MED14: variants seen among roughly 807,000 people sequenced by gnomAD.
MED14 encodes the protein mediator complex subunit 14, also known as mediator of RNA polymerase II transcription subunit 14.
A neutral mutation model predicts 109.0 loss-of-function variants in MED14; 8 were observed. The observed-to-expected ratio is 0.07, with a 90% CI of 0.04 to 0.13. The LOEUF (loss-of-function observed/expected upper bound fraction) is 0.13. Among genes scored for constraint, MED14 ranks in the 10% least tolerant of loss-of-function variants. The pLI, the probability that MED14 is intolerant of heterozygous loss-of-function variation, is 1.00. For missense variants in MED14, 711 were observed against 1,142.4 expected, an observed-to-expected ratio of 0.62 and a Z score of 5.44; for synonymous variants, 399 against 408.7, an observed-to-expected ratio of 0.98 and a Z score of 0.29.
At chrX:40,735,839 C>T (rs1256052091), upstream of MED14, 4 of 315,124 alleles carry the variant, frequency 1.3e-5, no homozygotes, top group Non-Finnish European at 2.5e-5. Context: ...CTGGGGGGCG[C>T]GTGGGAGTGA....
intron 11 of MED14, 116 bp from the exon 12 acceptor site, chrX:40,701,359 T>C (rs1930930411): frequency 6.4e-6 from 3 of 472,166 alleles, no homozygotes; most frequent in Non-Finnish European, 1.0e-5. Flanking sequence ...GAAAATCATG[T>C]TGTTTTTGAG....
intron 18 of MED14, 81 bp from the exon 19 acceptor site, chrX:40,682,024 G>T: frequency 2.2e-6 from 1 of 455,383 alleles, no homozygotes; most frequent in Non-Finnish European, 3.6e-6. Context: ...AGGGCATTTT[G>T]GCAATATTAT....
chrX:40,719,792 T>C (rs1952703216), intron 3 of MED14, among the ~76,000 whole-genome samples: 1 of 112,041 alleles, frequency 8.9e-6, no homozygotes, highest in Admixed American at 9.5e-5. Context: ...AATAGTATGG[T>C]ATGTAAATTA....
At chrX:40,695,497 T>G (rs1317132882) in intron 13 of MED14, among the ~76,000 whole-genome samples, 1 of 112,253 alleles carries the variant, frequency 8.9e-6, no homozygotes, top group African/African-American at 3.2e-5. Flanking sequence ...CTAAGCCATA[T>G]GAAACAAATT....
At chrX:40,657,426 A>C (rs1929093653) in intron 28 of MED14, among the ~76,000 whole-genome samples, 1 of 111,242 alleles carries the variant, frequency 9.0e-6, no homozygotes, top group Non-Finnish European at 1.9e-5. Context: ...GTGACGACAG[A>C]GGCAGAGGTT....
Position 40,649,747 on chromosome X carries a change from T to G in MED14, c.*2059A>C. On this transcript the variant is annotated 3_prime_UTR_variant, in exon 31 of 31. Coordinates refer to ENST00000324817, the MANE Select transcript of MED14 (RefSeq NM_004229.4). Reference sequence around the variant, plus strand: ...TCAAATGCTAAATGTTTTCAAGCTTTAATAAGGTATATATCAATTCCAAGT... The same window carrying G: ...TCAAATGCTAAATGTTTTCAAGCTTGAATAAGGTATATATCAATTCCAAGT... The G allele has an allele frequency of 1.2e-6, 1 of 861,219 alleles. No homozygotes were observed. The highest frequency in any genetic ancestry group is 1.4e-6 in the Non-Finnish European group (1 of 697,943). The allele number at this position is 861,219 out of a possible 1,213,427, so 71.0% of individuals were successfully genotyped here.
chrX:40,670,786 A>T (rs781611625), intron 23 of MED14, among the ~76,000 whole-genome samples: 246 of 111,408 alleles, frequency 2.2e-3, no homozygotes, highest in African/African-American at 7.7e-3. Flanking sequence ...AAAAAAATAA[A>T]AAAAATAAAG....
At position 40,685,135 on chromosome X, in the gene MED14, T is replaced by C. The variant is rs185674025; in HGVS notation, c.2058-2139A>G. ...ACCGAGGAAGGTATTTTCTGGACAA[T>C]GGATTAACCTATCTGAAAATTTTTA... On this transcript the variant is annotated intron_variant, in intron 16 of 30. Transcript: ENST00000324817. 2.8e-3 allele frequency among the ~76,000 whole-genome samples: 312 copies of C among 111,974 alleles called. 1 individual carries two copies. Among genetic ancestry groups the C allele is most frequent in the African/African-American group, 9.5e-3 (292 of 30,848 alleles).
chrX:40,677,662 G>GA (rs1303170270), intron 21 of MED14, among the ~76,000 whole-genome samples: 5 of 111,292 alleles, frequency 4.5e-5, no homozygotes, highest in Non-Finnish European at 9.4e-5. Context: ...GTATCTCCCA[G>GA]AAAAAAGAGA....
intron 23 of MED14, 42 bp from the exon 24 acceptor site, chrX:40,666,893 T>G (rs1487410195): frequency 4.6e-6 from 5 of 1,092,448 alleles, no homozygotes; most frequent in Non-Finnish European, 6.1e-6. Context: ...GCAGGACACA[T>G]TTTATGTCCT....
chrX:40,693,023 AGGTT>A, intron 13 of MED14, 121 bp from the exon 14 acceptor site: 1 of 504,351 alleles, frequency 2.0e-6, no homozygotes, highest in Non-Finnish European at 2.9e-6. Context: ...AAAAAAAAAA[AGGTT>A]AAATCAATCG....
At position 40,713,702 on chromosome X, in the gene MED14, C is replaced by T. The variant is rs745669479; in HGVS notation, c.652+76G>A. ...AAGTGATCTGCCTGCCTCAGTCTCC[C>T]AAAGTGCTGAGATTACAGGCATGAG... is the stretch of plus-strand genomic sequence containing the variant. On this transcript the variant is annotated intron_variant, in intron 5 of 30. Transcript: ENST00000324817. 901 of 1,104,415 alleles carry T rather than the reference C, an allele frequency of 8.2e-4. 1 individual carries two copies. The highest frequency in any genetic ancestry group is 1.1e-3 in the Non-Finnish European group (870 of 812,141). 91.0% of individuals were successfully genotyped at this position (1,104,415 alleles called of 1,213,427 possible). A position where few individuals can be genotyped will look rare whatever the true frequency, so the allele number is the denominator to read the frequency against.
intron 10 of MED14, among the ~76,000 whole-genome samples, chrX:40,708,098 T>G (rs1215604926): frequency 9.0e-6 from 1 of 110,675 alleles, no homozygotes; most frequent in Non-Finnish European, 1.9e-5. Flanking sequence ...AATGAAGTAC[T>G]GATAAAGCTA....
chrX:40,676,533 G>A (rs1309408044), intron 21 of MED14, among the ~76,000 whole-genome samples: 1 of 112,073 alleles, frequency 8.9e-6, no homozygotes, highest in Non-Finnish European at 1.9e-5. Context: ...CAAGAAGCAA[G>A]CTATTTCCAT....
intron 1 of MED14, among the ~76,000 whole-genome samples, chrX:40,733,741 T>C (rs776406358): frequency 1.8e-5 from 2 of 111,920 alleles, no homozygotes; most frequent in South Asian, 3.7e-4. Context: ...ACTAGTGAGA[T>C]AGCAAAGAAG....
At chrX:40,670,633 C>T (rs2146636226) in intron 23 of MED14, among the ~76,000 whole-genome samples, 1 of 110,151 alleles carries the variant, frequency 9.1e-6, no homozygotes, top group South Asian at 3.9e-4. Context: ...CGGTAGCGGG[C>T]GCCTGTAGTC....
At chrX:40,684,443 C>T (rs1044684759) in intron 16 of MED14, among the ~76,000 whole-genome samples, 3 of 112,681 alleles carry the variant, frequency 2.7e-5, no homozygotes, top group African/African-American at 9.7e-5. Flanking sequence ...CTTCAATATA[C>T]AGCTTTTGAA....
chrX:40,706,724 T>C (rs983926860), intron 10 of MED14, among the ~76,000 whole-genome samples: 2 of 111,891 alleles, frequency 1.8e-5, no homozygotes, highest in African/African-American at 6.5e-5. Flanking sequence ...TGTAAACGTA[T>C]GCTTTGAGTT....
At chrX:40,708,730 A>C (rs1420122150) in intron 10 of MED14, among the ~76,000 whole-genome samples, 1 of 111,918 alleles carries the variant, frequency 8.9e-6, no homozygotes, top group Non-Finnish European at 1.9e-5. Flanking sequence ...GAATATACTT[A>C]CTAGGTAATT....
Sources: gnomAD v4.1 joint callset for allele counts (sites outside exome capture counted in the v4.1 genomes callset) on GRCh38, gnomAD v4.1.1 for gene constraint, MANE v1.5 for transcripts, NCBI Gene and HGNC (gene_info 2026-07-23, HGNC 2026-07-21) for gene names.